Variants in IBTK observed in about 807,000 individuals in gnomAD.
The protein encoded by IBTK is inhibitor of Bruton tyrosine kinase.
IBTK carries 83 observed loss-of-function variants against 154.9 expected under a neutral mutation model. The ratio of observed to expected loss-of-function variants is 0.54; its 90% CI spans 0.45 to 0.64. The LOEUF is 0.64. IBTK is among the 30% of genes least tolerant of loss of function. The probability of loss-of-function intolerance (pLI) is 0.00; values close to 1 mark genes in which losing one functional copy is unlikely to be tolerated. For synonymous variants in IBTK, 515 were observed against 536.1 expected (o/e 0.96, Z 0.54); for missense variants, 1,332 against 1,584.6 (o/e 0.84, Z 2.71).
chr6:82,227,646 CA>C (rs2127822331), intron 4 of IBTK, among the ~76,000 whole-genome samples: 1 of 151,918 alleles, frequency 6.6e-6, no homozygotes, highest in African/African-American at 2.4e-5. Context: ...AAATATCAAA[CA>C]GTAAGAAATG....
chr6:82,182,141 C>G lies in IBTK; in HGVS notation c.3576-113G>C, dbSNP rs1270335388. On this transcript the variant is annotated intron_variant, in intron 25 of 28. Transcript: ENST00000306270. Reference sequence around the variant, plus strand: ...CCAAAAATTTTACAATATACAATTGCAGTTTTCAATGTGATGTTGGATTCT... The same window carrying G: ...CCAAAAATTTTACAATATACAATTGGAGTTTTCAATGTGATGTTGGATTCT... 26 of 978,622 alleles carry G rather than the reference C, an allele frequency of 2.7e-5. No individual in the cohort carries two copies. The East Asian group carries it at 5.6e-4, about 21-fold the overall frequency. 60.6% of individuals were successfully genotyped at this position (978,622 alleles called of 1,614,324 possible). A position where few individuals can be genotyped will look rare whatever the true frequency, so the allele number is the denominator to read the frequency against.
chr6:82,224,004 A>G (rs1770201495), intron 7 of IBTK, 64 bp downstream of exon 7: 2 of 923,062 alleles, frequency 2.2e-6, no homozygotes, highest in Admixed American at 2.2e-5. Flanking sequence ...AAAATTAAAA[A>G]GAAAAGATAA....
intron 25 of IBTK, among the ~76,000 whole-genome samples, chr6:82,187,616 C>A (rs1413618430): frequency 7.2e-6 from 1 of 138,576 alleles, no homozygotes; most frequent in South Asian, 2.2e-4. Flanking sequence ...GCCGAGTGGA[C>A]AAAAAGAAAT....
chr6:82,238,721 G>GT (rs1770827665), intron 2 of IBTK, among the ~76,000 whole-genome samples: 1 of 151,934 alleles, frequency 6.6e-6, no homozygotes, highest in South Asian at 2.1e-4. Context: ...GATTACAGGC[G>GT]TGAGCCACCG....
At chr6:82,242,885 C>T (rs1467041081) in intron 1 of IBTK, among the ~76,000 whole-genome samples, 2 of 150,806 alleles carry the variant, frequency 1.3e-5, no homozygotes, top group Non-Finnish European at 2.9e-5. Context: ...TGCAGTGAGC[C>T]GAGATCCCGC....
At chr6:82,240,959 T>A (rs1770924256) in intron 1 of IBTK, 116 bp from the exon 2 acceptor site, 3 of 396,086 alleles carry the variant, frequency 7.6e-6, no homozygotes, top group Non-Finnish European at 1.3e-5. Flanking sequence ...TTATGCTTAG[T>A]GTTCCATTAC....
chr6:82,213,791 C>T (rs889135942), intron 12 of IBTK, among the ~76,000 whole-genome samples: 5 of 151,714 alleles, frequency 3.3e-5, no homozygotes, highest in South Asian at 4.2e-4. Flanking sequence ...TAGCTCTGCC[C>T]GCAAATGGAG....
chr6:82,201,798 C>T (rs1426163277), intron 18 of IBTK, among the ~76,000 whole-genome samples: 2 of 151,950 alleles, frequency 1.3e-5, no homozygotes, highest in African/African-American at 4.8e-5. Flanking sequence ...TCTCAGCTCA[C>T]TGCAACTGCT....
At chr6:82,227,435 T>C (rs1181447628) in intron 4 of IBTK, 133 bp from the exon 5 acceptor site, 1 of 458,780 alleles carries the variant, frequency 2.2e-6, no homozygotes, top group African/African-American at 2.0e-5. Context: ...GACTTTAATT[T>C]CCACATTTTA....
chr6:82,216,668 TCCTC>T (rs1220739048), intron 10 of IBTK, among the ~76,000 whole-genome samples: 1 of 152,144 alleles, frequency 6.6e-6, no homozygotes, highest in Non-Finnish European at 1.5e-5. Flanking sequence ...TTTATTTGCT[TCCTC>T]CCTTTCTCTT....
intron 23 of IBTK, among the ~76,000 whole-genome samples, chr6:82,193,207 C>A (rs1768847082): frequency 6.6e-6 from 1 of 151,774 alleles, no homozygotes; most frequent in Non-Finnish European, 1.5e-5. Context: ...GGCAATACTA[C>A]AAAATGAATG....
At position 82,171,372 on chromosome 6, in the gene IBTK, T is replaced by C. The variant is rs1582171155; in HGVS notation, c.*53A>G. The C allele has an allele frequency of 8.0e-6, 12 of 1,504,342 alleles. No homozygotes were observed. In the South Asian group the frequency reaches 8.6e-5, roughly 11 times the overall value. 93.2% of individuals were successfully genotyped at this position (1,504,342 alleles called of 1,614,324 possible). On this transcript the variant is annotated 3_prime_UTR_variant, in exon 29 of 29. Coordinates refer to ENST00000306270, the MANE Select transcript of IBTK (RefSeq NM_015525.4). Reference sequence around the variant, plus strand: ...CTAAGACTCTTTTCCACAGCTTTTCTTTATATGAACAAACTCATAATTATG... The same window carrying C: ...CTAAGACTCTTTTCCACAGCTTTTCCTTATATGAACAAACTCATAATTATG...
Position 82,214,341 on chromosome 6 carries a change from C to A in IBTK, c.2090G>T (p.Arg697Met), listed in dbSNP as rs1309344748. Residue 697 changes from arginine (R) to methionine (M), a missense_variant, in exon 12 of 29, where the codon AGG becomes ATG. This residue lies in a region of IBTK where 1,134 missense variants were observed against 1,274.7 expected (regional missense o/e 0.89). Coordinates refer to ENST00000306270, the MANE Select transcript of IBTK (RefSeq NM_015525.4). ...KSNQAQTVSE[R>M]QKSKPKSCKK... is the part of the protein sequence containing the mutation. ...ACAAGATTTAGGTTTGCTCTTCTGC[C>A]TCTCACTAACTGTTTGAGCTTGATT... 3 of 1,614,050 alleles carry A rather than the reference C, an allele frequency of 1.9e-6. No individual in the cohort carries two copies. Among genetic ancestry groups the A allele is most frequent in the Non-Finnish European group, 2.5e-6 (3 of 1,179,994 alleles).
chr6:82,199,673 T>C (rs1349073025), intron 21 of IBTK, among the ~76,000 whole-genome samples: 1 of 152,144 alleles, frequency 6.6e-6, no homozygotes, highest in Admixed American at 6.5e-5. Flanking sequence ...ACAAATCTCA[T>C]CCAGTCACAT....
chr6:82,212,237 C>T (rs1582223671), intron 13 of IBTK, among the ~76,000 whole-genome samples: 1 of 152,090 alleles, frequency 6.6e-6, no homozygotes. Flanking sequence ...CCACCTGCCT[C>T]GGCCCCCCAA....
intron 22 of IBTK, 34 bp downstream of exon 22, chr6:82,196,264 T>C: frequency 2.0e-6 from 3 of 1,497,636 alleles, no homozygotes; most frequent in East Asian, 4.7e-5. Context: ...ATCTAAAATC[T>C]GAAGGTAAGG....
intron 25 of IBTK, among the ~76,000 whole-genome samples, chr6:82,184,236 A>G (rs1768453539): frequency 6.6e-6 from 1 of 152,222 alleles, no homozygotes; most frequent in South Asian, 2.1e-4. Flanking sequence ...AGCCACAGAA[A>G]ATTTATGGAG....
chr6:82,194,014 A>G (rs1444852637), intron 23 of IBTK, among the ~76,000 whole-genome samples: 2 of 152,062 alleles, frequency 1.3e-5, no homozygotes, highest in Non-Finnish European at 2.9e-5. Flanking sequence ...ATGAAAAAAT[A>G]TATATATAAT....
Position 82,227,295 on chromosome 6 carries a change from A to T in IBTK, c.551T>A (p.Leu184His), listed in dbSNP as rs1448994931. Residue 184 changes from leucine to histidine, a missense_variant, in exon 5 of 29, where the codon CTT becomes CAT. By Grantham distance (99) the Leu-to-His change is moderately conservative (BLOSUM62 -3). Coordinates refer to ENST00000306270, the MANE Select transcript of IBTK (RefSeq NM_015525.4). ...CAGAAACACGGAGTGAAATTTACAA[A>T]GCACCACCTAAGGGAAAACAAGAGA... ...RSGIYIKQVV[L>H]CKFHSVFLSQ... The T allele has an allele frequency of 1.3e-6, 2 of 1,593,582 alleles. No homozygotes were observed. Among genetic ancestry groups the T allele is most frequent in the Non-Finnish European group, 1.7e-6 (2 of 1,167,376 alleles).
Sources: allele counts gnomAD v4.1 joint callset (sites outside exome capture counted in the v4.1 genomes callset), GRCh38; gene constraint gnomAD v4.1.1; regional missense constraint gnomAD v4.1.1; transcripts MANE v1.5; gene names NCBI Gene and HGNC (gene_info 2026-07-23, HGNC 2026-07-21).